The following ROR2 variants were observed in gnomAD, a reference collection of about 807,000 sequenced individuals.
The protein encoded by ROR2 is tyrosine-protein kinase transmembrane receptor ROR2.
Under a neutral mutation model 74.9 loss-of-function variants are expected in ROR2, and 33 were observed. The ratio of observed to expected loss-of-function variants is 0.44; its 90% confidence interval spans 0.33 to 0.59. The LOEUF is 0.59. Ranked by LOEUF, ROR2 falls within the 20% of genes least tolerant of loss-of-function variation. The pLI is 0.02. For missense variants in ROR2, 1,216 were observed against 1,313.8 expected (o/e 0.93, Z 1.15); for synonymous variants, 586 against 558.7 (o/e 1.05, Z -0.69).
At chr9:91,888,034 C>T (rs991867854) in intron 1 of ROR2, among the ~76,000 whole-genome samples, 1 of 152,112 alleles carries the variant, frequency 6.6e-6, no homozygotes, top group Non-Finnish European at 1.5e-5. Context: ...TCGTGATCTG[C>T]CCGCCTCGGC....
chr9:91,948,665 G>T, intron 1 of ROR2: 1 of 985,518 alleles, frequency 1.0e-6, no homozygotes, highest in Non-Finnish European at 1.2e-6. Flanking sequence ...CCAGCAGGAC[G>T]CAGGAAAAGC....
chr9:91,731,958 C>T (rs529533343), intron 6 of ROR2, among the ~76,000 whole-genome samples: 253 of 152,238 alleles, frequency 1.7e-3, no homozygotes, highest in Admixed American at 2.7e-3. Flanking sequence ...TAAATATTGC[C>T]TCATTTGACC....
At chr9:91,939,733 G>T (rs1006358776) in intron 1 of ROR2, among the ~76,000 whole-genome samples, 1 of 152,064 alleles carries the variant, frequency 6.6e-6, no homozygotes, top group Admixed American at 6.6e-5. Context: ...GTAAACACAC[G>T]GAAGTGAAAG....
rs766605383 is a variant in ROR2 at position 91,723,724 on chromosome 9, C to G, written c.2770G>C (p.Glu924Gln). ...EEEEGSVPET[E>Q]LLGDCDTLQV... ...AGAGTGTCACAGTCCCCCAGCAGCT[C>G]AGTCTCTGGGACAGAGCCTTCCTCC... Residue 924 changes from glutamate (E) to glutamine (Q), a missense_variant, in exon 9 of 9, where the codon GAG (glutamate) becomes CAG (glutamine). Glu to Gln is a conservative substitution (Grantham distance 29). Transcript: ENST00000375708. The G allele has an allele frequency of 2.5e-6, 4 of 1,613,972 alleles. No homozygotes were observed. In the Admixed American group the frequency reaches 6.7e-5, roughly 27 times the overall value.
At chr9:91,882,529 A>G (rs1446535397) in intron 1 of ROR2, among the ~76,000 whole-genome samples, 9 of 152,244 alleles carry the variant, frequency 5.9e-5, no homozygotes, top group African/African-American at 1.7e-4. Context: ...AATATATACA[A>G]CAAGCCTCCA....
At chr9:91,904,920 C>T (rs1830773333) in intron 1 of ROR2, among the ~76,000 whole-genome samples, 1 of 152,094 alleles carries the variant, frequency 6.6e-6, no homozygotes, top group Non-Finnish European at 1.5e-5. Context: ...TGCGCACACA[C>T]ACCACACACA....
In ROR2 at chr9:91,748,242, ACTC is replaced by A. The variant is rs552496409; in HGVS notation, c.494+7826_494+7828del. 1.7e-3 allele frequency among the ~76,000 whole-genome samples: 260 copies of A among 151,936 alleles called. 1 individual carries two copies. The highest frequency in any genetic ancestry group is 5.9e-3 in the African/African-American group (246 of 41,434). On this transcript the variant is annotated intron_variant, in intron 4 of 8. Coordinates refer to ENST00000375708, the MANE Select transcript of ROR2 (RefSeq NM_004560.4). ...GTGAGCCAAGACTGTGCACTGCTGC[ACTC>A]CAGCCTGGGCGAAAAAGCGAGACGC...
intron 1 of ROR2, among the ~76,000 whole-genome samples, chr9:91,812,893 C>G (rs10992122): frequency 0.15 from 22,486 of 152,104 alleles, 2,768 homozygotes; most frequent in African/African-American, 0.33. Flanking sequence ...GCATTAGGCT[C>G]TCTACCTGGA....
chr9:91,784,528 G>T (rs1264965276), intron 1 of ROR2, among the ~76,000 whole-genome samples: 1 of 152,228 alleles, frequency 6.6e-6, no homozygotes, highest in South Asian at 2.1e-4. Flanking sequence ...CGTGGTGATG[G>T]CAGTCAGAAC....
At chr9:91,899,605 G>C (rs541614581) in intron 1 of ROR2, among the ~76,000 whole-genome samples, 1 of 152,238 alleles carries the variant, frequency 6.6e-6, no homozygotes, top group East Asian at 1.9e-4. Context: ...GGGCAGGAGA[G>C]AACAGAGCCT....
In ROR2 at chr9:91,824,789, C is replaced by T. The variant is rs568340672; in HGVS notation, c.98-48971G>A. ...AGGCGGGACATGGAATCCGTCCCCACGCTCTGGAACCAGCCCATGTGTTTG... is the reference window on the plus strand; with the variant it reads ...AGGCGGGACATGGAATCCGTCCCCATGCTCTGGAACCAGCCCATGTGTTTG... On this transcript the variant is annotated intron_variant, in intron 1 of 8. Transcript: ENST00000375708. Among the ~76,000 whole-genome samples the T allele has an allele frequency of 3.9e-5, 6 of 152,294 alleles. No individual in the cohort carries two copies. In the South Asian group the frequency reaches 1.0e-3, roughly 26 times the overall value.
chr9:91,741,159 G>C (rs946128864), intron 4 of ROR2, among the ~76,000 whole-genome samples: 19 of 151,954 alleles, frequency 1.3e-4, no homozygotes, highest in Admixed American at 3.9e-4. Context: ...AATTAGCCGG[G>C]TGTGGTGGTG....
At chr9:91,862,694 C>T (rs148048499) in intron 1 of ROR2, among the ~76,000 whole-genome samples, 19 of 152,218 alleles carry the variant, frequency 1.2e-4, no homozygotes, top group African/African-American at 4.6e-4. Flanking sequence ...AAAGAGAAAC[C>T]AGAGCTTGCT....
chr9:91,947,821 A>G (rs1346068631), intron 1 of ROR2, among the ~76,000 whole-genome samples: 1 of 152,242 alleles, frequency 6.6e-6, no homozygotes, highest in Non-Finnish European at 1.5e-5. Context: ...CTCAAATAAC[A>G]GGGACTCCTC....
At chr9:91,745,147 C>T (rs192352845) in intron 4 of ROR2, among the ~76,000 whole-genome samples, 33 of 151,414 alleles carry the variant, frequency 2.2e-4, no homozygotes, top group Non-Finnish European at 4.1e-4. Flanking sequence ...ATTTTTGAGA[C>T]GAAGTCTCGC....
intron 2 of ROR2, among the ~76,000 whole-genome samples, chr9:91,774,168 C>A (rs1443838845): frequency 6.6e-6 from 1 of 152,186 alleles, no homozygotes; most frequent in Non-Finnish European, 1.5e-5. Context: ...GGCCAGTGTA[C>A]TAAACAAGCT....
chr9:91,946,398 A>G (rs911663928), intron 1 of ROR2, among the ~76,000 whole-genome samples: 6 of 152,214 alleles, frequency 3.9e-5, no homozygotes, highest in Admixed American at 3.9e-4. Flanking sequence ...AGGTAAACCC[A>G]AAATTGGGCT....
chr9:91,750,871 G>A (rs1224220059), intron 4 of ROR2, among the ~76,000 whole-genome samples: 3 of 152,182 alleles, frequency 2.0e-5, no homozygotes, highest in Admixed American at 6.5e-5. Context: ...CTTTTAGAAC[G>A]ACAAAATGAT....
At chr9:91,904,844 T>C (rs1052032292) in intron 1 of ROR2, among the ~76,000 whole-genome samples, 18 of 152,066 alleles carry the variant, frequency 1.2e-4, no homozygotes, top group African/African-American at 3.6e-4. Context: ...TCATCACTCA[T>C]TATTGCCTCC....
Sources: gnomAD v4.1 joint callset for allele counts (sites outside exome capture counted in the v4.1 genomes callset) on GRCh38, gnomAD v4.1.1 for gene constraint, MANE v1.5 for transcripts, NCBI Gene and HGNC (gene_info 2026-07-23, HGNC 2026-07-21) for gene names.